Variants in CCBE1 observed in about 807,000 individuals in gnomAD.
The protein encoded by CCBE1 is collagen and calcium binding EGF domains 1, also known as collagen and calcium-binding EGF domain-containing protein 1.
In CCBE1, 37 loss-of-function variants were observed where a neutral mutation model predicts 50.0. That is an observed-to-expected ratio of 0.74 (90% CI 0.57 to 0.97). The LOEUF (loss-of-function observed/expected upper bound fraction) is 0.97. Ranked by LOEUF, CCBE1 falls within the 50% of genes least tolerant of loss-of-function variation. CCBE1 has a pLI of 0.00. For synonymous variants in CCBE1, 234 were observed against 203.7 expected (o/e 1.15, Z -1.27); for missense variants, 538 against 523.8 (o/e 1.03, Z -0.26).
Position 59,550,998 on chromosome 18 carries a change from C to CAAAAAAA in CCBE1, c.213-70767_213-70761dup, listed in dbSNP as rs555160847. On this transcript the variant is annotated intron_variant, in intron 2 of 10. Coordinates refer to ENST00000439986, the MANE Select transcript of CCBE1 (RefSeq NM_133459.4). ...CCAGCCTGGGCAACACAGCGAGACT[C>CAAAAAAA]AAAAAAAAAAAAAAAAAAAAAAAAA... is the stretch of plus-strand genomic sequence containing the variant. Among the ~76,000 whole-genome samples, 264 of 71,370 alleles carry CAAAAAAA rather than the reference C, an allele frequency of 3.7e-3. 1 individual carries two copies. The highest frequency in any genetic ancestry group is 4.5e-3 in the Non-Finnish European group (177 of 39,042). The allele number at this position is 71,370 out of a possible 152,430, so 46.8% of individuals were successfully genotyped here.
At chr18:59,560,388 G>A (rs1468553161) in intron 2 of CCBE1, among the ~76,000 whole-genome samples, 1 of 152,184 alleles carries the variant, frequency 6.6e-6, no homozygotes, top group Non-Finnish European at 1.5e-5. Flanking sequence ...TCATAAGTGG[G>A]AGTTGAACAA....
intron 2 of CCBE1, among the ~76,000 whole-genome samples, chr18:59,539,207 C>A (rs891310): frequency 1.4e-3 from 186 of 131,622 alleles, no homozygotes; most frequent in South Asian, 2.1e-3. Context: ...ACACAAAAAA[C>A]AAAAAAAAAC....
rs1299646920 is a variant in CCBE1 at position 59,435,827 on chromosome 18, G to A, written c.*81C>T. 4 of 1,206,318 alleles carry A rather than the reference G, an allele frequency of 3.3e-6. No individual in the cohort carries two copies. The African/African-American group carries it at 6.0e-5, about 18-fold the overall frequency. The allele number at this position is 1,206,318 out of a possible 1,614,324, so 74.7% of individuals were successfully genotyped here. On this transcript the variant is annotated 3_prime_UTR_variant, in exon 11 of 11. Transcript: ENST00000439986. ...AAAATGTATGTTTTCTAGGTCTCCA[G>A]TGGTCTTTCTTCTCTTTAGATGGTT... is the stretch of plus-strand genomic sequence containing the variant.
chr18:59,630,089 T>C (rs1568242718), intron 2 of CCBE1, among the ~76,000 whole-genome samples: 4 of 152,210 alleles, frequency 2.6e-5, no homozygotes, highest in South Asian at 4.2e-4. Context: ...AAACAGGAGT[T>C]TTCCAGGCCC....
intron 6 of CCBE1, among the ~76,000 whole-genome samples, chr18:59,449,254 G>A (rs1910818337): frequency 6.6e-6 from 1 of 152,252 alleles, no homozygotes; most frequent in Admixed American, 6.5e-5. Context: ...TAGAGGCACT[G>A]CTGGAGGGTT....
At chr18:59,473,266 C>G (rs1912123615) in intron 3 of CCBE1, among the ~76,000 whole-genome samples, 1 of 152,170 alleles carries the variant, frequency 6.6e-6, no homozygotes, top group Non-Finnish European at 1.5e-5. Context: ...GGTTGGAAAA[C>G]TTTGCCTCAG....
Position 59,476,114 on chromosome 18 carries a change from C to T in CCBE1, c.265+4072G>A, listed in dbSNP as rs558634328. On this transcript the variant is annotated intron_variant, in intron 3 of 10. Transcript: ENST00000439986. ...ATAGTATAGGTTCTGGGACAACCCT[C>T]CCATCTCTGCCACTATCTCGGTGAT... Among the ~76,000 whole-genome samples the T allele has an allele frequency of 2.0e-4, 31 of 152,240 alleles. 1 individual carries two copies. The South Asian group carries it at 6.4e-3, about 32-fold the overall frequency.
intron 5 of CCBE1, among the ~76,000 whole-genome samples, chr18:59,455,469 A>G (rs55762800): frequency 0.087 from 13,197 of 152,170 alleles, 721 homozygotes; most frequent in African/African-American, 0.15. Context: ...AATGCCCCAG[A>G]CACTTCGCCA....
intron 4 of CCBE1, among the ~76,000 whole-genome samples, chr18:59,469,235 C>T (rs1188234930): frequency 1.3e-5 from 2 of 152,354 alleles, no homozygotes; most frequent in East Asian, 3.9e-4. Flanking sequence ...TGTTCCCCTT[C>T]TCCTGCTCTT....
In CCBE1 at chr18:59,435,678, C is replaced by G. The variant is rs1453320582; in HGVS notation, c.*230G>C. ...ACAATGCAAACCACCCCAATGGACT[C>G]TTAGTGAGAAGCAGGTAAATCAATC... On this transcript the variant is annotated 3_prime_UTR_variant, in exon 11 of 11. Transcript: ENST00000439986. The G allele has an allele frequency of 1.7e-6, 1 of 594,696 alleles. No homozygotes were observed. The highest frequency in any genetic ancestry group is 1.9e-5 in the African/African-American group (1 of 53,778). 36.8% of individuals were successfully genotyped at this position (594,696 alleles called of 1,614,324 possible). A position where few individuals can be genotyped will look rare whatever the true frequency, so the allele number is the denominator to read the frequency against.
intron 2 of CCBE1, among the ~76,000 whole-genome samples, chr18:59,482,079 G>A (rs582552): frequency 0.29 from 43,423 of 151,794 alleles, 6,243 homozygotes; most frequent in African/African-American, 0.31. Context: ...CCCAGTGTAT[G>A]ATGTTCCTGT....
At chr18:59,445,226 G>A (rs1910618187) in intron 7 of CCBE1, among the ~76,000 whole-genome samples, 1 of 152,132 alleles carries the variant, frequency 6.6e-6, no homozygotes. Flanking sequence ...GATGGTGTAA[G>A]GTAAGGGTCC....
At chr18:59,510,417 C>A (rs1413570084) in intron 2 of CCBE1, among the ~76,000 whole-genome samples, 1 of 151,766 alleles carries the variant, frequency 6.6e-6, no homozygotes, top group Non-Finnish European at 1.5e-5. Flanking sequence ...TTTTAAGTTG[C>A]AAATTGAACT....
At chr18:59,524,914 A>C (rs576075578) in intron 2 of CCBE1, among the ~76,000 whole-genome samples, 1 of 152,276 alleles carries the variant, frequency 6.6e-6, no homozygotes, top group South Asian at 2.1e-4. Context: ...TGTCCCTGCA[A>C]ACTACATGAT....
chr18:59,473,301 T>C (rs1159641844), intron 3 of CCBE1, among the ~76,000 whole-genome samples: 1 of 152,202 alleles, frequency 6.6e-6, no homozygotes, highest in East Asian at 1.9e-4. Flanking sequence ...TGTTCCATTG[T>C]CTTCCAGCTT....
In CCBE1 at chr18:59,434,604, A is replaced by G. The variant is rs1910072723; in HGVS notation, c.*1304T>C. 1 of 152,140 alleles carries G rather than the reference A, an allele frequency of 6.6e-6. No individual in the cohort carries two copies. The highest frequency in any genetic ancestry group is 2.4e-5 in the African/African-American group (1 of 41,438). 9.4% of individuals were successfully genotyped at this position (152,140 alleles called of 1,614,324 possible). A position where few individuals can be genotyped will look rare whatever the true frequency, so the allele number is the denominator to read the frequency against. ...AACTCACTAGGAGGTGGAGATATAG[A>G]CCTTTTTCTGAACTGCTTCTCACAT... is the stretch of plus-strand genomic sequence containing the variant. On this transcript the variant is annotated 3_prime_UTR_variant, in exon 11 of 11. Coordinates refer to ENST00000439986, the MANE Select transcript of CCBE1 (RefSeq NM_133459.4).
intron 2 of CCBE1, among the ~76,000 whole-genome samples, chr18:59,520,262 G>C (rs1052647592): frequency 1.3e-5 from 2 of 152,278 alleles, no homozygotes; most frequent in South Asian, 4.2e-4. Flanking sequence ...AATTACTTTG[G>C]GCAATATGGC....
intron 2 of CCBE1, among the ~76,000 whole-genome samples, chr18:59,631,602 A>G (rs1321280663): frequency 1.3e-5 from 2 of 152,210 alleles, no homozygotes; most frequent in Non-Finnish European, 2.9e-5. Context: ...AAATCACACC[A>G]TGCAGGTTGT....
Position 59,444,721 on chromosome 18 carries a change from A to AT in CCBE1, c.775+3261dup, listed in dbSNP as rs139862155. Among the ~76,000 whole-genome samples, 1,450 of 151,690 alleles carry AT rather than the reference A, an allele frequency of 9.6e-3. 82 individuals are homozygous for AT. In the East Asian group the frequency reaches 0.16, roughly 17 times the overall value. ...GTCTCCCTATGTTTCCCAAGCTTGTATTTTTTCAAAAATAGTGGCCATCCT... is the reference window on the plus strand; with the variant it reads ...GTCTCCCTATGTTTCCCAAGCTTGTATTTTTTTCAAAAATAGTGGCCATCCT... On this transcript the variant is annotated intron_variant, in intron 7 of 10. Transcript: ENST00000439986.
Sources: gnomAD v4.1 joint callset for allele counts (sites outside exome capture counted in the v4.1 genomes callset) on GRCh38, gnomAD v4.1.1 for gene constraint, MANE v1.5 for transcripts, NCBI Gene and HGNC (gene_info 2026-07-23, HGNC 2026-07-21) for gene names.